NKAIN4: variants seen among roughly 807,000 people sequenced by gnomAD.
NKAIN4 encodes the protein sodium/potassium-transporting ATPase subunit beta-1-interacting protein 4.
A neutral mutation model predicts 28.8 loss-of-function variants in NKAIN4; 28 were observed. The observed-to-expected ratio is 0.97, with a 90% CI of 0.72 to 1.33. NKAIN4 has a LOEUF of 1.33. Ranked by LOEUF, NKAIN4 falls within the 40% of genes most tolerant of loss-of-function variation. The probability of loss-of-function intolerance (pLI) is 0.00; values close to 1 mark genes in which losing one functional copy is unlikely to be tolerated. For synonymous variants in NKAIN4, 122 were observed against 115.6 expected (o/e 1.06, Z -0.36); for missense variants, 289 against 277.2 (o/e 1.04, Z -0.30).
intron 1 of NKAIN4, among the ~76,000 whole-genome samples, chr20:63,251,915 C>G (rs544496284): frequency 1.3e-5 from 2 of 152,154 alleles, no homozygotes; most frequent in Non-Finnish European, 2.9e-5. Context: ...CACTAACCTA[C>G]GAGGAGGGAT....
intron 4 of NKAIN4, 64 bp downstream of exon 4, chr20:63,247,514 C>T (rs1227956993): frequency 6.5e-7 from 1 of 1,548,674 alleles, no homozygotes; most frequent in South Asian, 1.2e-5. Context: ...AGATGAGCCC[C>T]CAGCTCCATG....
intron 3 of NKAIN4, 102 bp from the exon 4 acceptor site, chr20:63,247,877 T>G (rs1055371136): frequency 7.3e-7 from 1 of 1,371,650 alleles, no homozygotes; most frequent in African/African-American, 1.5e-5. Context: ...CAAGGGGAGG[T>G]CCTGTCCTCT....
At chr20:63,247,102 G>T (rs2236192) in intron 4 of NKAIN4, 311,290 of 1,039,594 alleles carry the variant, frequency 0.3, 47,463 homozygotes, top group Middle Eastern at 0.45. Context: ...AGATGCATAC[G>T]CCAGGGTTCC....
At chr20:63,243,929 G>T in intron 5 of NKAIN4, 95 bp downstream of exon 5, 1 of 1,030,014 alleles carries the variant, frequency 9.7e-7, no homozygotes, top group Non-Finnish European at 1.5e-6. Flanking sequence ...TTCCAAGTGG[G>T]GAGGTCTCTC....
intron 6 of NKAIN4, 130 bp downstream of exon 6, chr20:63,242,409 A>G: frequency 1.4e-6 from 1 of 734,078 alleles, no homozygotes; most frequent in South Asian, 1.5e-5. Context: ...GTGAGAGTGG[A>G]TGGATGGACG....
chr20:63,252,568 G>A lies in NKAIN4; in HGVS notation c.54+1829C>T, dbSNP rs368274495. 5.9e-5 allele frequency among the ~76,000 whole-genome samples: 9 copies of A among 152,272 alleles called. No homozygotes were observed. Among genetic ancestry groups the A allele is most frequent in the African/African-American group, 2.2e-4 (9 of 41,540 alleles). Reference sequence around the variant, plus strand: ...AAGGACTCTTCTTCCCCAAGGCAGAGGAGGCACAGTGGGCTGCCAGATTGC... The same window carrying A: ...AAGGACTCTTCTTCCCCAAGGCAGAAGAGGCACAGTGGGCTGCCAGATTGC... On this transcript the variant is annotated intron_variant, in intron 1 of 6. Coordinates refer to ENST00000370316, the MANE Select transcript of NKAIN4 (RefSeq NM_152864.4). The surrounding 1 kb of genome is among the most constrained non-coding windows in gnomAD (Gnocchi z 4.6).
At chr20:63,242,101 G>A (rs1290826707) in intron 6 of NKAIN4, among the ~76,000 whole-genome samples, 1 of 152,150 alleles carries the variant, frequency 6.6e-6, no homozygotes, top group East Asian at 1.9e-4. Context: ...GCCAAAGTCT[G>A]GGGTTTGCAG....
rs1186822292 is a variant in NKAIN4 at position 63,248,850 on chromosome 20, T to TCA, written c.237_238insTG (p.Ile80Ter). ...CCACCGACTTCCAGGTAGAAGCAGATGATGAAGACGTTCCAGGTGACCCAG... is the reference window on the plus strand; with the variant it reads ...CCACCGACTTCCAGGTAGAAGCAGATCAGATGAAGACGTTCCAGGTGACCCAG... On this transcript the variant is annotated frameshift_variant, in exon 3 of 7. Coordinates refer to ENST00000370316, the MANE Select transcript of NKAIN4 (RefSeq NM_152864.4). LOFTEE classifies it high-confidence loss of function. The TCA allele has an allele frequency of 6.2e-7, 1 of 1,612,860 alleles. No individual in the cohort carries two copies. Among genetic ancestry groups the TCA allele is most frequent in the South Asian group, 1.1e-5 (1 of 91,066 alleles).
chr20:63,254,416 A>G lies in NKAIN4; in HGVS notation c.35T>C (p.Val12Ala). 6.9e-7 allele frequency: 1 copy of G among 1,445,302 alleles called. No homozygotes were observed. Among genetic ancestry groups the G allele is most frequent in the Non-Finnish European group, 9.1e-7 (1 of 1,099,958 alleles). 89.5% of individuals were successfully genotyped at this position (1,445,302 alleles called of 1,614,324 possible). Residue 12 changes from valine to alanine, a missense_variant, in exon 1 of 7, where the codon GTC becomes GCC. Transcript: ENST00000370316. ...GSCSGRCALV[V>A]LCAFQLVAAL... ...ACTCACCAGCTGAAAAGCGCAGAGG[A>G]CGACGAGCGCGCAGCGGCCGGAGCA...
chr20:63,248,365 C>T (rs78901275), intron 3 of NKAIN4: 5,544 of 181,578 alleles, frequency 0.031, 307 homozygotes, highest in African/African-American at 0.12. Context: ...CGGTCAGGGT[C>T]GGCTCAGCGA....
At chr20:63,247,364 G>A in intron 4 of NKAIN4, 2 of 1,514,410 alleles carry the variant, frequency 1.3e-6, no homozygotes, top group East Asian at 2.5e-5. Context: ...GCCCCGCCTG[G>A]GGGAGGTGGT....
chr20:63,250,590 CT>C (rs528095161), intron 1 of NKAIN4, among the ~76,000 whole-genome samples: 23 of 133,768 alleles, frequency 1.7e-4, no homozygotes, highest in Non-Finnish European at 3.7e-4. Flanking sequence ...GGGGACAGGG[CT>C]GGTGAGGCTG....
At chr20:63,253,492 C>A in intron 1 of NKAIN4, 1 of 985,628 alleles carries the variant, frequency 1.0e-6, no homozygotes, top group Non-Finnish European at 1.2e-6. Flanking sequence ...GCCCTTCTAG[C>A]TTCAAGAGGA....
At chr20:63,247,532 C>A (rs1483280151) in intron 4 of NKAIN4, 46 bp downstream of exon 4, 1 of 1,547,536 alleles carries the variant, frequency 6.5e-7, no homozygotes, top group South Asian at 1.2e-5. Context: ...ATGTCCCCTC[C>A]CCCATCAACC....
Position 63,254,421 on chromosome 20 carries a change from G to T in NKAIN4, c.30C>A (p.Leu10=). 6.9e-7 allele frequency: 1 copy of T among 1,443,436 alleles called. No homozygotes were observed. The allele number at this position is 1,443,436 out of a possible 1,614,324, so 89.4% of individuals were successfully genotyped here. A position where few individuals can be genotyped will look rare whatever the true frequency, so the allele number is the denominator to read the frequency against. The change falls in exon 1 of 7, where the codon CTC becomes CTA. Residue 10 remains leucine, a synonymous_variant. Coordinates refer to ENST00000370316, the MANE Select transcript of NKAIN4 (RefSeq NM_152864.4). MGSCSGRCA[L]VVLCAFQLVA... is the part of the protein sequence containing the mutation. ...CCAGCTGAAAAGCGCAGAGGACGAC[G>T]AGCGCGCAGCGGCCGGAGCAGGAGC...
chr20:63,249,022 G>C (rs572255760), intron 2 of NKAIN4, 127 bp from the exon 3 acceptor site: 1 of 686,580 alleles, frequency 1.5e-6, no homozygotes, highest in East Asian at 2.7e-5. Flanking sequence ...TGAGTCTGGC[G>C]GCCCCCAGAT....
chr20:63,254,574 C>T, upstream of NKAIN4: 1 of 678,990 alleles, frequency 1.5e-6, no homozygotes, highest in Non-Finnish European at 2.1e-6. Context: ...CCCTCCTCCC[C>T]GCAACCCCCG....
At chr20:63,246,677 C>T in intron 4 of NKAIN4, 1 of 985,324 alleles carries the variant, frequency 1.0e-6, no homozygotes, top group Non-Finnish European at 1.2e-6. Context: ...AGCCAGGGAG[C>T]CTCGAGATCG....
rs2066776487 is a variant in NKAIN4 at position 63,242,617 on chromosome 20, A to G, written c.539T>C (p.Phe180Ser). 6.2e-7 allele frequency: 1 copy of G among 1,611,006 alleles called. No individual in the cohort carries two copies. The highest frequency in any genetic ancestry group is 2.2e-5 in the East Asian group (1 of 44,868). ...AGGAAATGGATCAAATCCACCAATG[A>G]AATCAACTGAAAGAAATCAAGACCC... ...VFTEEEDSFD[F>S]IGGFDPFPLY... The change falls in exon 6 of 7, where the codon TTC (phenylalanine) becomes TCC (serine). Residue 180 changes from phenylalanine to serine, a missense_variant. Physicochemically the swap from Phe to Ser is radical, Grantham distance 155. Coordinates refer to ENST00000370316, the MANE Select transcript of NKAIN4 (RefSeq NM_152864.4).
Sources: allele counts gnomAD v4.1 joint callset (sites outside exome capture counted in the v4.1 genomes callset), GRCh38; gene constraint gnomAD v4.1.1; non-coding constraint Gnocchi (gnomAD v3.1); transcripts MANE v1.5; gene names NCBI Gene and HGNC (gene_info 2026-07-23, HGNC 2026-07-21).